The following EIF2B3 variants were observed in gnomAD, a reference collection of about 807,000 sequenced individuals.
The protein encoded by EIF2B3 is translation initiation factor eIF2B subunit gamma.
Under a neutral mutation model 54.1 loss-of-function variants are expected in EIF2B3, and 20 were observed. That is an observed-to-expected ratio of 0.37 (90% CI 0.26 to 0.54). The LOEUF (loss-of-function observed/expected upper bound fraction) is 0.54, where lower values mean the gene tolerates loss of function less well. Ranked by LOEUF, EIF2B3 falls within the 20% of genes least tolerant of loss-of-function variation. EIF2B3 has a pLI of 0.86. For missense variants in EIF2B3, 448 were observed against 547.8 expected, an observed-to-expected ratio of 0.82 and a Z score of 1.82; for synonymous variants, 153 against 188.1, an observed-to-expected ratio of 0.81 and a Z score of 1.52.
At chr1:44,857,246 G>A (rs563382366) in intron 11 of EIF2B3, among the ~76,000 whole-genome samples, 1 of 152,132 alleles carries the variant, frequency 6.6e-6, no homozygotes, top group Non-Finnish European at 1.5e-5. Context: ...ATTTGACAGT[G>A]ATGCCAGGTG....
At chr1:44,932,786 A>G (rs1214430787) in intron 4 of EIF2B3, among the ~76,000 whole-genome samples, 2 of 152,214 alleles carry the variant, frequency 1.3e-5, no homozygotes, top group Non-Finnish European at 2.9e-5. Flanking sequence ...TTTTGAGGGG[A>G]TATGATTTCC....
chr1:44,951,716 T>C (rs187824570), intron 3 of EIF2B3, among the ~76,000 whole-genome samples: 31 of 152,250 alleles, frequency 2.0e-4, no homozygotes, highest in African/African-American at 7.5e-4. Context: ...TCCTAGCCAA[T>C]TAACTTTTAC....
At chr1:44,982,426 G>A (rs1476521723) in intron 1 of EIF2B3, among the ~76,000 whole-genome samples, 1 of 151,486 alleles carries the variant, frequency 6.6e-6, no homozygotes, top group Non-Finnish European at 1.5e-5. Flanking sequence ...AGCCTCCCGA[G>A]TAGCTGGGAT....
chr1:44,978,645 T>C (rs1484494812), intron 2 of EIF2B3, among the ~76,000 whole-genome samples, 185 bp from the exon 3 acceptor site: 29 of 94,388 alleles, frequency 3.1e-4, no homozygotes, highest in Non-Finnish European at 3.8e-4. Flanking sequence ...TTTTTTTTTT[T>C]TTTTTTTTAC....
At chr1:44,937,874 A>G (rs1474063972) in intron 4 of EIF2B3, among the ~76,000 whole-genome samples, 1 of 115,816 alleles carries the variant, frequency 8.6e-6, no homozygotes, top group African/African-American at 3.5e-5. Context: ...ACAGAGCGAG[A>G]CTCCGTCTCA....
intron 5 of EIF2B3, 102 bp downstream of exon 5, chr1:44,926,526 A>C: frequency 1.1e-6 from 1 of 898,920 alleles, no homozygotes; most frequent in Non-Finnish European, 1.8e-6. Flanking sequence ...TCAATTTCAC[A>C]CAGTATAGTC....
At position 44,852,009 on chromosome 1, in the gene EIF2B3, C is replaced by T. The variant is rs549663483; in HGVS notation, c.1307-1006G>A. Reference sequence around the variant, plus strand: ...TGTCACCCAGGCTGGAGTGCAGTGGCGCAATCTTGGCTCACTGCAACCTCC... The same window carrying T: ...TGTCACCCAGGCTGGAGTGCAGTGGTGCAATCTTGGCTCACTGCAACCTCC... On this transcript the variant is annotated intron_variant, in intron 11 of 11. Coordinates refer to ENST00000360403, the MANE Select transcript of EIF2B3 (RefSeq NM_020365.5). Among the ~76,000 whole-genome samples, 44 of 151,014 alleles carry T rather than the reference C, an allele frequency of 2.9e-4. 1 individual carries two copies. The South Asian group carries it at 8.2e-3, about 28-fold the overall frequency.
Position 44,978,318 on chromosome 1 carries a change from A to C in EIF2B3, c.291T>G (p.Leu97=). ...ADSLRYIYPK[L]KTDVLVLSCD... Reference sequence around the variant, plus strand: ...GAGTCAAAAAATTGCTTTTCACCTTAAGTTTTGGATATATGTAGCGCAAAG... The same window carrying C: ...GAGTCAAAAAATTGCTTTTCACCTTCAGTTTTGGATATATGTAGCGCAAAG... The change falls in exon 3 of 12, where the codon CTT becomes CTG. Residue 97 remains leucine (L), a synonymous_variant. Coordinates refer to ENST00000360403, the MANE Select transcript of EIF2B3 (RefSeq NM_020365.5). The C allele has an allele frequency of 6.2e-7, 1 of 1,614,032 alleles. No individual in the cohort carries two copies. Among genetic ancestry groups the C allele is most frequent in the African/African-American group, 1.3e-5 (1 of 75,040 alleles).
intron 4 of EIF2B3, among the ~76,000 whole-genome samples, chr1:44,935,027 A>G (rs1422775682): frequency 6.6e-6 from 1 of 152,262 alleles, no homozygotes; most frequent in African/African-American, 2.4e-5. Context: ...GTTTTCACTC[A>G]TGGTTCTGAA....
intron 10 of EIF2B3, among the ~76,000 whole-genome samples, chr1:44,873,317 A>C (rs886252054): frequency 6.6e-6 from 1 of 152,112 alleles, no homozygotes; most frequent in African/African-American, 2.4e-5. Flanking sequence ...CTGCTGAGTA[A>C]TTTGGTATTA....
rs77167306 is a variant in EIF2B3, at chr1:44,870,552, C to T, written c.1202+4126G>A. Among the ~76,000 whole-genome samples, 722 of 152,246 alleles carry T rather than the reference C, an allele frequency of 4.7e-3. 2 individuals are homozygous for T. The highest frequency in any genetic ancestry group is 7.1e-3 in the East Asian group (37 of 5,182). ...GTCTAAAATTGCTTGCTGTTAGTTC[C>T]CAATCCCCAAGGTTTTGTTTGGTTT... is the stretch of plus-strand genomic sequence containing the variant. On this transcript the variant is annotated intron_variant, in intron 10 of 11. Coordinates refer to ENST00000360403, the MANE Select transcript of EIF2B3 (RefSeq NM_020365.5).
rs1367147313 is a variant in EIF2B3 at position 44,851,010 on chromosome 1, A to T, written c.1307-7T>A. ...ACCTCATTCACTCGTTTAGCTACAA[A>T]AGAAAAGGAAAAAAGTTTTCTGAGA... On this transcript the variant is annotated splice_polypyrimidine_tract_variant and splice_region_variant and intron_variant, in intron 11 of 11. Coordinates refer to ENST00000360403, the MANE Select transcript of EIF2B3 (RefSeq NM_020365.5). 2 of 1,613,728 alleles carry T rather than the reference A, an allele frequency of 1.2e-6. No individual in the cohort carries two copies. Among genetic ancestry groups the T allele is most frequent in the Non-Finnish European group, 8.5e-7 (1 of 1,180,040 alleles).
chr1:44,874,727 C>G lies in EIF2B3; in HGVS notation c.1153G>C (p.Val385Leu). The G allele has an allele frequency of 6.2e-7, 1 of 1,614,172 alleles. No individual in the cohort carries two copies. The highest frequency in any genetic ancestry group is 2.2e-5 in the East Asian group (1 of 44,878). Residue 385 changes from valine (V) to leucine (L), a missense_variant, in exon 10 of 12, where the codon GTG becomes CTG. Coordinates refer to ENST00000360403, the MANE Select transcript of EIF2B3 (RefSeq NM_020365.5). ...IGSSCLIKDR[V>L]TITNCLLMNS... is the part of the protein sequence containing the mutation. ...ATGAGAAGGCAATTGGTAATAGTCA[C>G]TCTATCTTTTATGAGACAGGATGAG...
At chr1:44,941,186 A>G (rs1430538276) in intron 4 of EIF2B3, among the ~76,000 whole-genome samples, 1 of 152,202 alleles carries the variant, frequency 6.6e-6, no homozygotes, top group Non-Finnish European at 1.5e-5. Flanking sequence ...CACCTGGCCT[A>G]TTTTTAAAAG....
chr1:44,979,536 T>C (rs1644491168), intron 2 of EIF2B3, among the ~76,000 whole-genome samples: 1 of 144,694 alleles, frequency 6.9e-6, no homozygotes, highest in Non-Finnish European at 1.5e-5. Flanking sequence ...GGCATGCATG[T>C]AGTTGCAGCT....
intron 10 of EIF2B3, among the ~76,000 whole-genome samples, chr1:44,859,097 A>C (rs1334927418): frequency 6.6e-6 from 1 of 152,018 alleles, no homozygotes; most frequent in Non-Finnish European, 1.5e-5. Context: ...CCAGGAGTTT[A>C]AGACCAGCTT....
intron 5 of EIF2B3, among the ~76,000 whole-genome samples, chr1:44,918,328 C>T (rs945611973): frequency 6.6e-6 from 1 of 151,594 alleles, no homozygotes; most frequent in Non-Finnish European, 1.5e-5. Flanking sequence ...GTGACCTGGC[C>T]GTCTTGGCCT....
At chr1:44,883,717 G>C (rs1655486196) in intron 6 of EIF2B3, among the ~76,000 whole-genome samples, 1 of 152,186 alleles carries the variant, frequency 6.6e-6, no homozygotes, top group Non-Finnish European at 1.5e-5. Context: ...CTGCCTCTAT[G>C]TGTATTAAAC....
At chr1:44,909,762 C>A (rs1200404556) in intron 5 of EIF2B3, among the ~76,000 whole-genome samples, 1 of 152,188 alleles carries the variant, frequency 6.6e-6, no homozygotes, top group African/African-American at 2.4e-5. Flanking sequence ...CTGCCCCCAT[C>A]CCAAACTGCA....
Sources: allele counts gnomAD v4.1 joint callset (sites outside exome capture counted in the v4.1 genomes callset), GRCh38; gene constraint gnomAD v4.1.1; transcripts MANE v1.5; gene names NCBI Gene and HGNC (gene_info 2026-07-23, HGNC 2026-07-21).